MDGA2: variants seen among roughly 807,000 people sequenced by gnomAD.
MDGA2 encodes MAM domain-containing glycosylphosphatidylinositol anchor protein 2.
In MDGA2, 40 loss-of-function variants were observed where a neutral mutation model predicts 117.8. That is an observed-to-expected ratio of 0.34 (90% CI 0.26 to 0.44). MDGA2 has a LOEUF of 0.44. Among genes scored for constraint, MDGA2 ranks in the 20% least tolerant of loss-of-function variants. MDGA2 has a pLI of 1.00. For synonymous variants in MDGA2, 452 were observed against 439.0 expected, an observed-to-expected ratio of 1.03 and a Z score of -0.37; for missense variants, 1,123 against 1,250.6, an observed-to-expected ratio of 0.90 and a Z score of 1.54.
chr14:47,529,159 T>G (rs1312879604), intron 1 of MDGA2, among the ~76,000 whole-genome samples: 3 of 152,054 alleles, frequency 2.0e-5, no homozygotes, highest in Non-Finnish European at 4.4e-5. Context: ...CCACCACACC[T>G]GGCTAATTTT....
At chr14:47,348,167 ATG>A (rs56850503) in intron 1 of MDGA2, among the ~76,000 whole-genome samples, 78,071 of 143,132 alleles carry the variant, frequency 0.55, 21,183 homozygotes, top group East Asian at 0.72. Context: ...CTCTCTGTAT[ATG>A]TGTGTGTGTG....
intron 10 of MDGA2, among the ~76,000 whole-genome samples, chr14:46,900,332 C>T (rs1318896507): frequency 6.6e-6 from 1 of 152,132 alleles, no homozygotes; most frequent in Non-Finnish European, 1.5e-5. Flanking sequence ...GGACTTACTA[C>T]ACCACTCAGC....
At chr14:47,394,981 C>T (rs954048114) in intron 1 of MDGA2, among the ~76,000 whole-genome samples, 7 of 152,012 alleles carry the variant, frequency 4.6e-5, no homozygotes, top group Non-Finnish European at 7.4e-5. Flanking sequence ...GTGAGACCCC[C>T]GTCTCTGCAA....
At chr14:46,842,610 G>A (rs1000279762) in intron 16 of MDGA2, among the ~76,000 whole-genome samples, 3 of 152,016 alleles carry the variant, frequency 2.0e-5, no homozygotes, top group African/African-American at 7.2e-5. Flanking sequence ...TCCACCAATC[G>A]GCCTGGAAAG....
chr14:47,087,980 CGA>C (rs1890969881), intron 6 of MDGA2, among the ~76,000 whole-genome samples: 2 of 151,656 alleles, frequency 1.3e-5, no homozygotes, highest in Non-Finnish European at 2.9e-5. Flanking sequence ...GTAAATATGA[CGA>C]GAGACTCCAT....
At chr14:46,853,263 T>A (rs1237155080) in intron 15 of MDGA2, among the ~76,000 whole-genome samples, 1 of 151,772 alleles carries the variant, frequency 6.6e-6, no homozygotes, top group African/African-American at 2.4e-5. Context: ...TATCACAAAT[T>A]AAACATAAAT....
intron 8 of MDGA2, among the ~76,000 whole-genome samples, chr14:46,983,972 C>T (rs902839396): frequency 6.6e-6 from 1 of 151,778 alleles, no homozygotes; most frequent in Non-Finnish European, 1.5e-5. Flanking sequence ...TATAACTAAT[C>T]TGATTGATGT....
intron 1 of MDGA2, among the ~76,000 whole-genome samples, chr14:47,654,225 G>A (rs781009276): frequency 6.6e-6 from 1 of 152,040 alleles, no homozygotes; most frequent in Non-Finnish European, 1.5e-5. Context: ...TGAAAGTAAG[G>A]GTGCAAATTA....
chr14:46,938,345 C>A (rs1884859742), intron 9 of MDGA2, among the ~76,000 whole-genome samples: 1 of 151,532 alleles, frequency 6.6e-6, no homozygotes, highest in Non-Finnish European at 1.5e-5. Context: ...TCAAGACCAG[C>A]CTGACCAACA....
At position 47,416,557 on chromosome 14, in the gene MDGA2, T is replaced by C. The variant is rs187074727; in HGVS notation, c.281-115007A>G. On this transcript the variant is annotated intron_variant, in intron 1 of 16. Coordinates refer to ENST00000399232, the MANE Select transcript of MDGA2 (RefSeq NM_001113498.3). The stretch of plus-strand genomic sequence containing the variant: ...GTCCAGAGTCACAAAAGTGCCCACA[T>C]CCCCATGACTCCACTAGGCACTGCC... Among the ~76,000 whole-genome samples, 342 of 152,160 alleles carry C rather than the reference T, an allele frequency of 2.2e-3. 3 individuals are homozygous for C. The highest frequency in any genetic ancestry group is 7.9e-3 in the African/African-American group (330 of 41,546).
chr14:47,629,718 T>C (rs1897218535), intron 1 of MDGA2, among the ~76,000 whole-genome samples: 1 of 152,230 alleles, frequency 6.6e-6, no homozygotes, highest in South Asian at 2.1e-4. Flanking sequence ...GCATATTTTA[T>C]AGTTAAGCAA....
intron 1 of MDGA2, among the ~76,000 whole-genome samples, chr14:47,673,364 C>T (rs779965522): frequency 2.0e-5 from 3 of 152,116 alleles, no homozygotes; most frequent in Admixed American, 6.5e-5. Flanking sequence ...CCTGGGTCAG[C>T]CATTGACTTA....
intron 1 of MDGA2, among the ~76,000 whole-genome samples, chr14:47,350,766 T>C (rs1359994070): frequency 6.6e-6 from 1 of 152,214 alleles, no homozygotes; most frequent in Non-Finnish European, 1.5e-5. Flanking sequence ...CTAAGTAATT[T>C]TGGTAGCTAG....
intron 1 of MDGA2, among the ~76,000 whole-genome samples, chr14:47,478,614 G>A (rs1411548496): frequency 1.3e-5 from 2 of 152,082 alleles, no homozygotes; most frequent in African/African-American, 4.8e-5. Context: ...GGGCTCAAGC[G>A]ATCCACCCAC....
chr14:47,447,797 T>A (rs1893154813), intron 1 of MDGA2, among the ~76,000 whole-genome samples: 1 of 152,182 alleles, frequency 6.6e-6, no homozygotes, highest in African/African-American at 2.4e-5. Flanking sequence ...ACAGCTCCAG[T>A]CAAAGCGTAT....
chr14:47,207,832 A>G (rs991212790), intron 3 of MDGA2, among the ~76,000 whole-genome samples: 12 of 152,020 alleles, frequency 7.9e-5, no homozygotes, highest in African/African-American at 2.9e-4. Context: ...GGGTGCAGAA[A>G]TTTTCACTTC....
chr14:47,294,398 G>A (rs778355399), intron 2 of MDGA2, among the ~76,000 whole-genome samples: 10 of 151,880 alleles, frequency 6.6e-5, no homozygotes, highest in Non-Finnish European at 1.0e-4. Context: ...GCACCCAGCT[G>A]ATGTGGAATT....
At chr14:47,164,165 T>A (rs1458867333) in intron 3 of MDGA2, among the ~76,000 whole-genome samples, 1 of 152,222 alleles carries the variant, frequency 6.6e-6, no homozygotes, top group African/African-American at 2.4e-5. Context: ...TAAATGAGTA[T>A]TAATCAATAG....
At chr14:47,610,887 A>C (rs922349176) in intron 1 of MDGA2, among the ~76,000 whole-genome samples, 1 of 152,142 alleles carries the variant, frequency 6.6e-6, no homozygotes, top group African/African-American at 2.4e-5. Context: ...ACCAAAAAAG[A>C]GCCCGCATAG....
Sources: gnomAD v4.1 joint callset for allele counts (sites outside exome capture counted in the v4.1 genomes callset) on GRCh38, gnomAD v4.1.1 for gene constraint, MANE v1.5 for transcripts, NCBI Gene and HGNC (gene_info 2026-07-23, HGNC 2026-07-21) for gene names.